Variants in GABRG3 observed in about 807,000 individuals in gnomAD.
GABRG3 encodes gamma-aminobutyric acid type A receptor subunit gamma3, also known as gamma-aminobutyric acid receptor subunit gamma-3.
A neutral mutation model predicts 48.8 loss-of-function variants in GABRG3; 25 were observed. The observed-to-expected ratio is 0.51, with a 90% CI of 0.37 to 0.72. GABRG3 has a LOEUF of 0.72. GABRG3 is among the 30% of genes least tolerant of loss of function. The probability of loss-of-function intolerance (pLI) is 0.00; values close to 1 mark genes in which losing one functional copy is unlikely to be tolerated. For synonymous variants in GABRG3, 227 were observed against 217.6 expected, an observed-to-expected ratio of 1.04 and a Z score of -0.38; for missense variants, 394 against 577.9, an observed-to-expected ratio of 0.68 and a Z score of 3.26.
chr15:27,177,888 A>G (rs529409821), intron 3 of GABRG3, among the ~76,000 whole-genome samples: 6 of 152,316 alleles, frequency 3.9e-5, no homozygotes, highest in Admixed American at 1.3e-4. Context: ...TTTGTAGCCA[A>G]TGAGCACAGT....
At chr15:27,351,626 G>T (rs1370928172) in intron 5 of GABRG3, among the ~76,000 whole-genome samples, 1 of 140,834 alleles carries the variant, frequency 7.1e-6, no homozygotes, top group Non-Finnish European at 1.5e-5. Flanking sequence ...TGTGTGTATG[G>T]TATGTGTTTG....
At chr15:27,382,576 T>C (rs1895807039) in intron 5 of GABRG3, among the ~76,000 whole-genome samples, 1 of 152,192 alleles carries the variant, frequency 6.6e-6, no homozygotes, top group Admixed American at 6.5e-5. Context: ...TGATTCATGC[T>C]TTGAAAGGTT....
intron 3 of GABRG3, among the ~76,000 whole-genome samples, chr15:27,075,208 G>T (rs182909214): frequency 1.3e-5 from 2 of 152,060 alleles, no homozygotes; most frequent in Non-Finnish European, 2.9e-5. Flanking sequence ...TAACTGAAAG[G>T]CTTCCCTCTT....
Position 27,074,298 on chromosome 15 carries a change from C to T in GABRG3, c.270+47477C>T, listed in dbSNP as rs776222052. Among the ~76,000 whole-genome samples, 59 of 151,904 alleles carry T rather than the reference C, an allele frequency of 3.9e-4. 1 individual carries two copies. The highest frequency in any genetic ancestry group is 1.9e-4 in the Non-Finnish European group (13 of 67,964). ...CTTACTGAGTGTTGACCAGAGACTA[C>T]CACGTGGCCTTTTCTGACAAGGCTG... On this transcript the variant is annotated intron_variant, in intron 3 of 9. Coordinates refer to ENST00000615808, the MANE Select transcript of GABRG3 (RefSeq NM_033223.5).
intron 5 of GABRG3, among the ~76,000 whole-genome samples, chr15:27,450,567 T>A (rs1057093162): frequency 6.6e-6 from 1 of 152,010 alleles, no homozygotes; most frequent in East Asian, 1.9e-4. Context: ...TACCTCAAAA[T>A]AATAAAGACC....
rs143310809 is a variant in GABRG3 at position 27,285,443 on chromosome 15, G to A, written c.271-41366G>A. 5.2e-3 allele frequency among the ~76,000 whole-genome samples: 786 copies of A among 152,092 alleles called. 6 individuals are homozygous for A. The highest frequency in any genetic ancestry group is 9.0e-3 in the Non-Finnish European group (609 of 67,988). The stretch of plus-strand genomic sequence containing the variant: ...AACCTCATTGTTCCACCAGAAAAAT[G>A]GAATTACAATGTCCCCACAAAAATT... On this transcript the variant is annotated intron_variant, in intron 3 of 9. Transcript: ENST00000615808.
At chr15:27,515,659 G>A (rs1352353113) in intron 6 of GABRG3, among the ~76,000 whole-genome samples, 2 of 152,066 alleles carry the variant, frequency 1.3e-5, no homozygotes, top group Non-Finnish European at 2.9e-5. Flanking sequence ...AAATAACAAC[G>A]TTTAAAGGAG....
intron 5 of GABRG3, among the ~76,000 whole-genome samples, chr15:27,380,369 C>G (rs1406143940): frequency 6.7e-6 from 1 of 150,162 alleles, no homozygotes; most frequent in Non-Finnish European, 1.5e-5. Context: ...AACATCTCTG[C>G]TTTATCTGAG....
chr15:27,379,464 GA>G (rs1317692015), intron 5 of GABRG3, among the ~76,000 whole-genome samples: 1 of 152,094 alleles, frequency 6.6e-6, no homozygotes, highest in African/African-American at 2.4e-5. Context: ...GATCAATTAA[GA>G]ATAAGAAAAA....
intron 3 of GABRG3, among the ~76,000 whole-genome samples, chr15:27,196,169 C>T (rs1253068563): frequency 6.6e-6 from 1 of 152,260 alleles, no homozygotes; most frequent in Non-Finnish European, 1.5e-5. Context: ...GGCATTTCAG[C>T]TCCATCCTAG....
chr15:27,523,512 A>G lies in GABRG3; in HGVS notation c.865+3388A>G, dbSNP rs1891205702. ...AGGATACAATAAAATATCACTCATC[A>G]TATCAAAAAGAAAATGCCAAAATCA... On this transcript the variant is annotated intron_variant, in intron 7 of 9. Transcript: ENST00000615808. 2.6e-5 allele frequency among the ~76,000 whole-genome samples: 4 copies of G among 151,908 alleles called. No homozygotes were observed. In the South Asian group the frequency reaches 8.3e-4, roughly 31 times the overall value.
intron 3 of GABRG3, among the ~76,000 whole-genome samples, chr15:27,247,818 C>G (rs1387432634): frequency 1.3e-5 from 2 of 152,144 alleles, no homozygotes; most frequent in African/African-American, 4.8e-5. Context: ...ACCATCAGAT[C>G]TCATGAGACT....
At chr15:27,203,022 TTAATC>T (rs1888738476) in intron 3 of GABRG3, among the ~76,000 whole-genome samples, 1 of 152,196 alleles carries the variant, frequency 6.6e-6, no homozygotes, top group Non-Finnish European at 1.5e-5. Flanking sequence ...CACTAAGTCT[TTAATC>T]TATATGGAAC....
At chr15:27,440,339 C>A (rs767921423) in intron 5 of GABRG3, among the ~76,000 whole-genome samples, 1 of 152,208 alleles carries the variant, frequency 6.6e-6, no homozygotes, top group African/African-American at 2.4e-5. Context: ...GTGACCCCTG[C>A]GATTCATGTG....
chr15:27,427,785 G>A (rs1339038019), intron 5 of GABRG3, among the ~76,000 whole-genome samples: 6 of 152,112 alleles, frequency 3.9e-5, no homozygotes, highest in South Asian at 2.1e-4. Context: ...TTTTATTCTT[G>A]TCATACATGC....
rs1435440093 is a variant in GABRG3, at chr15:27,539,243, G to A, written c.*6362G>A. 2 of 152,178 alleles carry A rather than the reference G, an allele frequency of 1.3e-5. No homozygotes were observed. Among genetic ancestry groups the A allele is most frequent in the African/African-American group, 4.8e-5 (2 of 41,438 alleles). 9.4% of individuals were successfully genotyped at this position (152,178 alleles called of 1,614,324 possible). The stretch of plus-strand genomic sequence containing the variant: ...AGATGGGCTGAATTTTCACCCGGAA[G>A]TCTGAAGCCTCTGGAAGGGCAGGTG... On this transcript the variant is annotated 3_prime_UTR_variant, in exon 10 of 10. Transcript: ENST00000615808.
rs1342954985 is a variant in GABRG3 at position 26,975,067 on chromosome 15, G to A, written c.54-1935G>A. 6.6e-6 allele frequency among the ~76,000 whole-genome samples: 1 copy of A among 151,732 alleles called. No homozygotes were observed. The highest frequency in any genetic ancestry group is 1.5e-5 in the Non-Finnish European group (1 of 67,978). On this transcript the variant is annotated intron_variant, in intron 1 of 9. Coordinates refer to ENST00000615808, the MANE Select transcript of GABRG3 (RefSeq NM_033223.5). The surrounding 1 kb of genome is among the most constrained non-coding windows in gnomAD (Gnocchi z 4.6). ...TTTTTTTGTATTTTTAGTAGAGACG[G>A]GGTTTCACCCTGTTGGCCAGGCTGG...
At chr15:27,364,186 T>C (rs929167442) in intron 5 of GABRG3, 9 of 152,202 alleles carry the variant, frequency 5.9e-5, no homozygotes, top group Non-Finnish European at 1.3e-4. Flanking sequence ...GAAAACCTCC[T>C]TCTGGTTTTA....
chr15:27,427,049 T>G (rs1231154257), intron 5 of GABRG3, among the ~76,000 whole-genome samples: 1 of 152,162 alleles, frequency 6.6e-6, no homozygotes, highest in East Asian at 1.9e-4. Context: ...GAAATAAAAT[T>G]CTATTGTTTC....
Sources: allele counts gnomAD v4.1 joint callset (sites outside exome capture counted in the v4.1 genomes callset), GRCh38; gene constraint gnomAD v4.1.1; non-coding constraint Gnocchi (gnomAD v3.1); transcripts MANE v1.5; gene names NCBI Gene and HGNC (gene_info 2026-07-23, HGNC 2026-07-21).